The following FNTA variants were observed in gnomAD, a reference collection of about 807,000 sequenced individuals.
FNTA encodes farnesyltransferase, CAAX box, subunit alpha.
A neutral mutation model predicts 55.2 loss-of-function variants in FNTA; 27 were observed. The ratio of observed to expected loss-of-function variants is 0.49; its 90% CI spans 0.36 to 0.67. The LOEUF (loss-of-function observed/expected upper bound fraction) is 0.67, where lower values mean the gene tolerates loss of function less well. Among genes scored for constraint, FNTA ranks in the 30% least tolerant of loss-of-function variants. FNTA has a pLI of 0.00. For missense variants in FNTA, 422 were observed against 464.7 expected, an observed-to-expected ratio of 0.91 and a Z score of 0.85; for synonymous variants, 176 against 170.7, an observed-to-expected ratio of 1.03 and a Z score of -0.24.
intron 2 of FNTA, among the ~76,000 whole-genome samples, chr8:43,060,412 C>T (rs1038383239): frequency 2.6e-5 from 4 of 152,124 alleles, no homozygotes; most frequent in African/African-American, 4.8e-5. Context: ...CGGTGGCTCA[C>T]GCCTGTAATC....
In FNTA at chr8:43,066,452, G is replaced by T. The variant is rs540256546; in HGVS notation, c.401+2237G>T. 3.4e-5 allele frequency among the ~76,000 whole-genome samples: 5 copies of T among 148,176 alleles called. 1 individual carries two copies. Among genetic ancestry groups the T allele is most frequent in the African/African-American group, 1.3e-4 (5 of 37,876 alleles). ...TTTTGTATTTTTTTAGTAGAGATGGGGTTTCACCGTGTTAGCCAGGATGGT... is the reference window on the plus strand; with the variant it reads ...TTTTGTATTTTTTTAGTAGAGATGGTGTTTCACCGTGTTAGCCAGGATGGT... On this transcript the variant is annotated intron_variant, in intron 3 of 8. Transcript: ENST00000302279.
rs541952347 is a variant in FNTA, at chr8:43,083,204, T to A, written c.845+24T>A. The A allele has an allele frequency of 8.2e-6, 12 of 1,456,866 alleles. No individual in the cohort carries two copies. The African/African-American group carries it at 8.6e-5, about 10-fold the overall frequency. 90.2% of individuals were successfully genotyped at this position (1,456,866 alleles called of 1,614,324 possible). Reference sequence around the variant, plus strand: ...GGGTAAGAGGTTGTTTTTGCTTTTTTTATATATAAAAAAGAAGTGGCTATA... The same window carrying A: ...GGGTAAGAGGTTGTTTTTGCTTTTTATATATATAAAAAAGAAGTGGCTATA... On this transcript the variant is annotated intron_variant, in intron 7 of 8. Coordinates refer to ENST00000302279, the MANE Select transcript of FNTA (RefSeq NM_002027.3).
At chr8:43,063,187 C>T in intron 2 of FNTA, 1 of 446,566 alleles carries the variant, frequency 2.2e-6, no homozygotes, top group Non-Finnish European at 4.5e-6. Flanking sequence ...CTCAAGCGAT[C>T]CTCCTACCTC....
chr8:43,076,409 T>G (rs1487438929), intron 5 of FNTA, among the ~76,000 whole-genome samples: 3 of 152,168 alleles, frequency 2.0e-5, no homozygotes, highest in Non-Finnish European at 4.4e-5. Flanking sequence ...ACTCCTGGCC[T>G]CAAGTGACCT....
At chr8:43,071,048 A>AT (rs1810778047) in intron 4 of FNTA, among the ~76,000 whole-genome samples, 1 of 152,188 alleles carries the variant, frequency 6.6e-6, no homozygotes, top group Non-Finnish European at 1.5e-5. Context: ...TGTAAGACGA[A>AT]TTTTTTAATT....
chr8:43,069,450 C>G, intron 3 of FNTA, 105 bp from the exon 4 acceptor site: 1 of 725,004 alleles, frequency 1.4e-6, no homozygotes, highest in Non-Finnish European at 2.4e-6. Context: ...GATTACCTGC[C>G]AAAAATTTGT....
In FNTA at chr8:43,065,770, C is replaced by A. The variant is rs554127480; in HGVS notation, c.401+1555C>A. ...GTGTTAGATCCCCTGTGTCCTAGATCGTATACCTTTCTCTTTCTTGATTTA... is the reference window on the plus strand; with the variant it reads ...GTGTTAGATCCCCTGTGTCCTAGATAGTATACCTTTCTCTTTCTTGATTTA... On this transcript the variant is annotated intron_variant, in intron 3 of 8. Transcript: ENST00000302279. Among the ~76,000 whole-genome samples, 4 of 151,400 alleles carry A rather than the reference C, an allele frequency of 2.6e-5. No individual in the cohort carries two copies. In the East Asian group the frequency reaches 7.7e-4, roughly 29 times the overall value.
At chr8:43,066,426 T>A (rs1459360828) in intron 3 of FNTA, among the ~76,000 whole-genome samples, 1 of 150,760 alleles carries the variant, frequency 6.6e-6, no homozygotes, top group Non-Finnish European at 1.5e-5. Context: ...CCAGCTAATT[T>A]TTTTGTATTT....
At chr8:43,068,806 C>T (rs551934009) in intron 3 of FNTA, among the ~76,000 whole-genome samples, 7 of 151,964 alleles carry the variant, frequency 4.6e-5, no homozygotes, top group East Asian at 1.9e-4. Context: ...TCTGCCTCCT[C>T]GGTTCAAGTG....
Position 43,059,184 on chromosome 8 carries a change from T to G in FNTA, c.286+7T>G, listed in dbSNP as rs1314376991. 1 of 1,598,860 alleles carries G rather than the reference T, an allele frequency of 6.3e-7. No individual in the cohort carries two copies. Among genetic ancestry groups the G allele is most frequent in the East Asian group, 2.2e-5 (1 of 44,702 alleles). Reference sequence around the variant, plus strand: ...ATCATTTATAGTGACAAATGTAAGTTTGTTTATATTAGGAAAAGGTCTGTA... The same window carrying G: ...ATCATTTATAGTGACAAATGTAAGTGTGTTTATATTAGGAAAAGGTCTGTA... On this transcript the variant is annotated splice_region_variant and intron_variant, in intron 2 of 8. Coordinates refer to ENST00000302279, the MANE Select transcript of FNTA (RefSeq NM_002027.3).
At chr8:43,060,889 C>T (rs1197641161) in intron 2 of FNTA, among the ~76,000 whole-genome samples, 1 of 151,938 alleles carries the variant, frequency 6.6e-6, no homozygotes, top group Non-Finnish European at 1.5e-5. Flanking sequence ...AAAACTGAGA[C>T]GTTTTTACAA....
chr8:43,069,886 C>T (rs1367249947), intron 4 of FNTA, among the ~76,000 whole-genome samples: 2 of 151,450 alleles, frequency 1.3e-5, no homozygotes, highest in Admixed American at 6.6e-5. Flanking sequence ...TCAGGTGATC[C>T]GCCCTCCTCA....
chr8:43,057,882 C>G (rs1326522642), intron 1 of FNTA, among the ~76,000 whole-genome samples: 1 of 149,354 alleles, frequency 6.7e-6, no homozygotes, highest in African/African-American at 2.5e-5. Context: ...CGCTTTAACC[C>G]AGGAGGCAGA....
At chr8:43,058,408 A>G (rs867262520) in intron 1 of FNTA, among the ~76,000 whole-genome samples, 6 of 152,312 alleles carry the variant, frequency 3.9e-5, no homozygotes, top group South Asian at 2.1e-4. Context: ...TTGTTACTCA[A>G]ACGTTTTAAA....
rs558891570 is a variant in FNTA, at chr8:43,062,663, G to A, written c.287-1438G>A. Among the ~76,000 whole-genome samples, 170 of 152,232 alleles carry A rather than the reference G, an allele frequency of 1.1e-3. 1 individual carries two copies. Among genetic ancestry groups the A allele is most frequent in the African/African-American group, 3.6e-3 (151 of 41,528 alleles). ...TGAAGAGGAGTAATTGTTCATATTC[G>A]TGTCTGATACTTTCAGTGTTACAGG... is the stretch of plus-strand genomic sequence containing the variant. On this transcript the variant is annotated intron_variant, in intron 2 of 8. Transcript: ENST00000302279.
chr8:43,068,170 A>G (rs1257596161), intron 3 of FNTA, among the ~76,000 whole-genome samples: 2 of 152,164 alleles, frequency 1.3e-5, no homozygotes, highest in African/African-American at 4.8e-5. Flanking sequence ...TGCTGGGATT[A>G]CAGGCTAATT....
chr8:43,083,038 TC>T (rs1407417912), intron 6 of FNTA, 79 bp from the exon 7 acceptor site: 1 of 811,018 alleles, frequency 1.2e-6, no homozygotes, highest in Non-Finnish European at 2.0e-6. Context: ...AGAGCAAGAC[TC>T]CGTTTCAGAA....
chr8:43,085,118 A>G (rs1353651948), intron 8 of FNTA, 42 bp from the exon 9 acceptor site: 4 of 1,461,590 alleles, frequency 2.7e-6, no homozygotes, highest in African/African-American at 1.4e-5. Context: ...TGCGCTTGAA[A>G]TTGAATTACA....
chr8:43,065,399 C>T (rs1810632061), intron 3 of FNTA, among the ~76,000 whole-genome samples: 1 of 152,102 alleles, frequency 6.6e-6, no homozygotes, highest in South Asian at 2.1e-4. Context: ...AGGTGTACGC[C>T]ACCACACCCA....
Sources: allele counts gnomAD v4.1 joint callset (sites outside exome capture counted in the v4.1 genomes callset), GRCh38; gene constraint gnomAD v4.1.1; transcripts MANE v1.5; gene names NCBI Gene and HGNC (gene_info 2026-07-23, HGNC 2026-07-21).